Variants in PDPK1 observed in about 807,000 individuals in gnomAD.
PDPK1 encodes the protein 3-phosphoinositide-dependent protein kinase 1.
In PDPK1, 7 loss-of-function variants were observed where a neutral mutation model predicts 39.8. The observed-to-expected ratio is 0.18, with a 90% CI of 0.10 to 0.33. The LOEUF (loss-of-function observed/expected upper bound fraction) is 0.33. Among genes scored for constraint, PDPK1 ranks in the 10% least tolerant of loss-of-function variants. PDPK1 has a pLI of 1.00. For synonymous variants in PDPK1, 118 were observed against 159.1 expected, an observed-to-expected ratio of 0.74 and a Z score of 1.95; for missense variants, 182 against 384.7, an observed-to-expected ratio of 0.47 and a Z score of 4.41.
At chr16:2,552,423 A>G (rs1271975975) in intron 1 of PDPK1, among the ~76,000 whole-genome samples, 3 of 151,716 alleles carry the variant, frequency 2.0e-5, no homozygotes, top group Non-Finnish European at 4.4e-5. Flanking sequence ...TACAAGTTCC[A>G]ATTTGTTTAA....
rs1207529245 is a variant in PDPK1, at chr16:2,599,560, C to G, written c.*1793C>G. 3 of 232,512 alleles carry G rather than the reference C, an allele frequency of 1.3e-5. No individual in the cohort carries two copies. Among genetic ancestry groups the G allele is most frequent in the Non-Finnish European group, 2.5e-5 (3 of 117,754 alleles). The allele number at this position is 232,512 out of a possible 1,614,324, so 14.4% of individuals were successfully genotyped here. ...GCTGGGCCGCACCTACCCTGGGGCCCCAGGGAGCAGGACGCTCCGGGGCCC... is the reference window on the plus strand; with the variant it reads ...GCTGGGCCGCACCTACCCTGGGGCCGCAGGGAGCAGGACGCTCCGGGGCCC... On this transcript the variant is annotated 3_prime_UTR_variant, in exon 14 of 14. Transcript: ENST00000342085.
rs2067118196 is a variant in PDPK1 at position 2,597,057 on chromosome 16, T to C, written c.1402-66T>C. On this transcript the variant is annotated intron_variant, in intron 12 of 13. Coordinates refer to ENST00000342085, the MANE Select transcript of PDPK1 (RefSeq NM_002613.5). The surrounding 1 kb of genome is among the most constrained non-coding windows in gnomAD (Gnocchi z 6.3). The stretch of plus-strand genomic sequence containing the variant: ...GCAGCTCCGAGGGGCCGCCCAGCCC[T>C]CTAGGCTCCAGGAGATGCCGTCAGC... 4 of 1,379,244 alleles carry C rather than the reference T, an allele frequency of 2.9e-6. No homozygotes were observed. Among genetic ancestry groups the C allele is most frequent in the Non-Finnish European group, 3.9e-6 (4 of 1,018,580 alleles). The allele number at this position is 1,379,244 out of a possible 1,614,324, so 85.4% of individuals were successfully genotyped here.
chr16:2,546,681 G>A (rs2066354265), intron 1 of PDPK1, among the ~76,000 whole-genome samples: 10 of 152,144 alleles, frequency 6.6e-5, no homozygotes, highest in Admixed American at 6.5e-4. Context: ...TGACAGCGGG[G>A]CCCTACTCTC....
rs558658117 is a variant in PDPK1, at chr16:2,546,776, G to A, written c.24+8640G>A. Among the ~76,000 whole-genome samples, 23 of 152,170 alleles carry A rather than the reference G, an allele frequency of 1.5e-4. No homozygotes were observed. In the South Asian group the frequency reaches 4.8e-3, roughly 32 times the overall value. ...TGTAGCTTCTAAGGTGTCCTGTGGC[G>A]GCAAAAGGGACGTGTGCTCTGTGGG... On this transcript the variant is annotated intron_variant, in intron 1 of 13. Transcript: ENST00000342085.
At chr16:2,544,632 G>A (rs1306341024) in intron 1 of PDPK1, among the ~76,000 whole-genome samples, 1 of 151,684 alleles carries the variant, frequency 6.6e-6, no homozygotes, top group African/African-American at 2.4e-5. Context: ...CGCCCAAGTT[G>A]GAGTGCAGTG....
At chr16:2,585,392 G>T (rs954948042) in intron 10 of PDPK1, among the ~76,000 whole-genome samples, 2 of 152,228 alleles carry the variant, frequency 1.3e-5, no homozygotes, top group Non-Finnish European at 2.9e-5. Flanking sequence ...GGCAAACGGT[G>T]TCAAGCATGG....
chr16:2,586,903 T>G lies in PDPK1; in HGVS notation c.1343+10T>G. The stretch of plus-strand genomic sequence containing the variant: ...CTGGCGGAAACCCTTGGTAAGAACT[T>G]ATGGACATAAGCAATGCTTTTTGCA... On this transcript the variant is annotated intron_variant, in intron 11 of 13. Coordinates refer to ENST00000342085, the MANE Select transcript of PDPK1 (RefSeq NM_002613.5). 1 of 1,611,472 alleles carries G rather than the reference T, an allele frequency of 6.2e-7. No individual in the cohort carries two copies. Among genetic ancestry groups the G allele is most frequent in the African/African-American group, 1.3e-5 (1 of 75,000 alleles).
In PDPK1 at chr16:2,596,268, T is replaced by C. The variant is rs1195642576; in HGVS notation, c.1401+418T>C. Among the ~76,000 whole-genome samples the C allele has an allele frequency of 2.6e-5, 4 of 152,352 alleles. 1 individual carries two copies. In the South Asian group the frequency reaches 6.2e-4, roughly 24 times the overall value. ...GTGCAGTGGCGCGATCTCGGCTCACTGCAAGCTCCGCCTCCCAGGTTCACA... is the reference window on the plus strand; with the variant it reads ...GTGCAGTGGCGCGATCTCGGCTCACCGCAAGCTCCGCCTCCCAGGTTCACA... On this transcript the variant is annotated intron_variant, in intron 12 of 13. Coordinates refer to ENST00000342085, the MANE Select transcript of PDPK1 (RefSeq NM_002613.5).
At chr16:2,586,476 G>A (rs1341202818) in intron 10 of PDPK1, among the ~76,000 whole-genome samples, 200 bp from the exon 11 acceptor site, 1 of 152,266 alleles carries the variant, frequency 6.6e-6, no homozygotes. Flanking sequence ...AGAGGAGCCC[G>A]ACCAGGCAGG....
chr16:2,538,198 C>G, intron 1 of PDPK1, 62 bp downstream of exon 1: 1 of 953,160 alleles, frequency 1.0e-6, no homozygotes, highest in African/African-American at 1.8e-5. Flanking sequence ...CGGCGGCCGC[C>G]CGGGTCCGGC....
At chr16:2,587,926 T>C (rs1344846907) in intron 11 of PDPK1, among the ~76,000 whole-genome samples, 1 of 152,218 alleles carries the variant, frequency 6.6e-6, no homozygotes, top group African/African-American at 2.4e-5. Context: ...GCTTCCCCCC[T>C]AATATTTTTA....
intron 10 of PDPK1, among the ~76,000 whole-genome samples, chr16:2,585,728 A>G (rs1436576173): frequency 1.3e-5 from 2 of 152,234 alleles, no homozygotes; most frequent in African/African-American, 4.8e-5. Flanking sequence ...ACCTTGCTCC[A>G]GCCCAGCTGG....
At chr16:2,538,662 G>A (rs751645751) in intron 1 of PDPK1, 1 of 1,288,984 alleles carries the variant, frequency 7.8e-7, no homozygotes, top group Non-Finnish European at 1.0e-6. Flanking sequence ...TTCACGGCCC[G>A]GCCAAGGGGC....
intron 1 of PDPK1, among the ~76,000 whole-genome samples, chr16:2,539,906 C>T (rs1432670751): frequency 2.0e-5 from 3 of 152,210 alleles, no homozygotes; most frequent in African/African-American, 7.2e-5. Context: ...CATTTCATAT[C>T]TGCAGTTTTC....
intron 12 of PDPK1, 41 bp downstream of exon 12, chr16:2,595,891 C>T: frequency 6.6e-7 from 1 of 1,505,124 alleles, no homozygotes; most frequent in South Asian, 1.1e-5. Flanking sequence ...CGGACACCTG[C>T]ATCTTCCCCG....
chr16:2,594,439 G>A (rs1256403265), intron 11 of PDPK1: 1 of 152,154 alleles, frequency 6.6e-6, no homozygotes, highest in Admixed American at 6.5e-5. Context: ...AGCTACTTGG[G>A]AGGCTGAGGC....
rs1387043828 is a variant in PDPK1 at position 2,602,063 on chromosome 16, G to C, written c.*4296G>C. ...CCCCCCCTTGCCTGGCTGGTTGACA[G>C]ACCCGGGGTGGTCACTGCTGAGACT... is the stretch of plus-strand genomic sequence containing the variant. On this transcript the variant is annotated 3_prime_UTR_variant, in exon 14 of 14. Coordinates refer to ENST00000342085, the MANE Select transcript of PDPK1 (RefSeq NM_002613.5). The C allele has an allele frequency of 4.3e-6, 1 of 234,434 alleles. No homozygotes were observed. The highest frequency in any genetic ancestry group is 8.5e-6 in the Non-Finnish European group (1 of 117,914). The allele number at this position is 234,434 out of a possible 1,614,324, so 14.5% of individuals were successfully genotyped here.
At chr16:2,546,246 G>A (rs2066343639) in intron 1 of PDPK1, among the ~76,000 whole-genome samples, 1 of 151,426 alleles carries the variant, frequency 6.6e-6, no homozygotes, top group Non-Finnish European at 1.5e-5. Flanking sequence ...ACTGCGCCCG[G>A]CTAATTTTTG....
At chr16:2,594,956 C>A (rs551846124) in intron 11 of PDPK1, among the ~76,000 whole-genome samples, 2 of 152,124 alleles carry the variant, frequency 1.3e-5, no homozygotes, top group South Asian at 4.1e-4. Context: ...CCCGTCTCTA[C>A]TAAAGATACA....
Sources: allele counts gnomAD v4.1 joint callset (sites outside exome capture counted in the v4.1 genomes callset), GRCh38; gene constraint gnomAD v4.1.1; non-coding constraint Gnocchi (gnomAD v3.1); transcripts MANE v1.5; gene names NCBI Gene and HGNC (gene_info 2026-07-23, HGNC 2026-07-21).